The following DTWD2 variants were observed in gnomAD, a reference collection of about 807,000 sequenced individuals.
DTWD2 encodes the protein DTW motif tRNA-uridine aminocarboxypropyltransferase 2.
Under a neutral mutation model 31.8 loss-of-function variants are expected in DTWD2, and 39 were observed. That is an observed-to-expected ratio of 1.22 (90% CI 0.95 to 1.60). DTWD2 has a LOEUF of 1.60. Ranked by LOEUF, DTWD2 falls within the 40% of genes most tolerant of loss-of-function variation. The pLI, the probability that DTWD2 is intolerant of heterozygous loss-of-function variation, is 0.00. For missense variants in DTWD2, 515 were observed against 381.5 expected, an observed-to-expected ratio of 1.35 and a Z score of -2.92; for synonymous variants, 180 against 142.8, an observed-to-expected ratio of 1.26 and a Z score of -1.86.
At chr5:118,920,114 T>C (rs2149574821) in intron 4 of DTWD2, among the ~76,000 whole-genome samples, 1 of 152,246 alleles carries the variant, frequency 6.6e-6, no homozygotes, top group African/African-American at 2.4e-5. Context: ...AACCTGTCCC[T>C]GGTGCCAAAA....
At chr5:118,888,687 T>A (rs1752918402) in intron 4 of DTWD2, among the ~76,000 whole-genome samples, 1 of 152,216 alleles carries the variant, frequency 6.6e-6, no homozygotes, top group Non-Finnish European at 1.5e-5. Context: ...CCAAAATACG[T>A]TTCAGAGTGA....
intron 1 of DTWD2, chr5:118,974,774 A>G: frequency 7.7e-6 from 3 of 390,532 alleles, no homozygotes; most frequent in Non-Finnish European, 1.6e-5. Flanking sequence ...TTGTCCAACA[A>G]TAAACAGGAA....
At chr5:118,887,364 A>C (rs1360841138) in intron 4 of DTWD2, among the ~76,000 whole-genome samples, 1 of 152,150 alleles carries the variant, frequency 6.6e-6, no homozygotes. Context: ...CTAAGTTTGG[A>C]CATGTGCTTG....
At chr5:118,928,512 T>C (rs1753853714) in intron 4 of DTWD2, 25 bp downstream of exon 4, 2 of 1,413,918 alleles carry the variant, frequency 1.4e-6, no homozygotes, top group Non-Finnish European at 9.3e-7. Flanking sequence ...TTTATATTTA[T>C]TCTCTGTTAA....
At chr5:118,948,508 G>T (rs761476410) in intron 1 of DTWD2, among the ~76,000 whole-genome samples, 16 of 152,004 alleles carry the variant, frequency 1.1e-4, no homozygotes, top group South Asian at 1.0e-3. Context: ...AACAAACTGT[G>T]ATCAGGGTGG....
chr5:118,962,066 C>A (rs981574732), intron 1 of DTWD2, among the ~76,000 whole-genome samples: 1 of 152,004 alleles, frequency 6.6e-6, no homozygotes, highest in Admixed American at 6.6e-5. Flanking sequence ...TGGAGAAACC[C>A]CATCTCTACT....
At chr5:118,916,428 G>A (rs1561454257) in intron 4 of DTWD2, among the ~76,000 whole-genome samples, 3 of 152,122 alleles carry the variant, frequency 2.0e-5, no homozygotes, top group African/African-American at 7.2e-5. Context: ...CACTTTGGGA[G>A]GCCAAGGTGG....
chr5:118,947,984 A>G (rs1388828423), intron 1 of DTWD2, among the ~76,000 whole-genome samples: 2 of 152,242 alleles, frequency 1.3e-5, no homozygotes, highest in Non-Finnish European at 2.9e-5. Context: ...CAAATGTTGC[A>G]TAACACATTT....
At chr5:118,857,745 TG>T (rs1332062748) in intron 4 of DTWD2, among the ~76,000 whole-genome samples, 2 of 152,220 alleles carry the variant, frequency 1.3e-5, no homozygotes, top group Non-Finnish European at 2.9e-5. Flanking sequence ...TACACAGTGC[TG>T]GGCATGTGCC....
chr5:118,915,430 A>T (rs1431916765), intron 4 of DTWD2, among the ~76,000 whole-genome samples: 1 of 146,530 alleles, frequency 6.8e-6, no homozygotes, highest in Non-Finnish European at 1.5e-5. Context: ...GCTGGAGTGC[A>T]GTGGCGCAAT....
At chr5:118,959,137 T>A (rs1754653799) in intron 1 of DTWD2, among the ~76,000 whole-genome samples, 2 of 152,110 alleles carry the variant, frequency 1.3e-5, no homozygotes, top group Admixed American at 1.3e-4. Flanking sequence ...GACGTCCAAA[T>A]AGGAAGAGAG....
chr5:118,871,670 G>A (rs1342517733), intron 4 of DTWD2, among the ~76,000 whole-genome samples: 2 of 152,142 alleles, frequency 1.3e-5, no homozygotes, highest in African/African-American at 4.8e-5. Flanking sequence ...AATCCATGCT[G>A]TAAACAGATG....
intron 1 of DTWD2, among the ~76,000 whole-genome samples, chr5:118,983,525 C>T (rs544516961): frequency 2.0e-5 from 3 of 151,696 alleles, no homozygotes; most frequent in Admixed American, 6.5e-5. Flanking sequence ...CTCTCTCTCT[C>T]TCTCTTATGA....
chr5:118,961,957 T>C (rs1052997393), intron 1 of DTWD2, among the ~76,000 whole-genome samples: 5 of 152,198 alleles, frequency 3.3e-5, no homozygotes, highest in Admixed American at 6.5e-5. Context: ...AAATTTTCTT[T>C]GCTGCCAGGC....
At chr5:118,952,037 T>C (rs906432582) in intron 1 of DTWD2, among the ~76,000 whole-genome samples, 1 of 151,716 alleles carries the variant, frequency 6.6e-6, no homozygotes, top group African/African-American at 2.4e-5. Context: ...AAGGGAGAGA[T>C]TGAAAGGTGG....
At chr5:118,872,536 G>A (rs1404168769) in intron 4 of DTWD2, among the ~76,000 whole-genome samples, 1 of 152,150 alleles carries the variant, frequency 6.6e-6, no homozygotes, top group Non-Finnish European at 1.5e-5. Flanking sequence ...CTGAGAAGAG[G>A]AAGAAAGAGA....
rs180727200 is a variant in DTWD2, at chr5:118,840,506, A to T, written c.*411T>A. ...ACTTATTTCAAACTGTAAAGTCAGG[A>T]CTGCAAACTGATGTAGGAATCTTAT... On this transcript the variant is annotated 3_prime_UTR_variant, in exon 6 of 6. Transcript: ENST00000510708. 1 of 152,468 alleles carries T rather than the reference A, an allele frequency of 6.6e-6. No individual in the cohort carries two copies. The highest frequency in any genetic ancestry group is 2.4e-5 in the African/African-American group (1 of 41,474). 9.4% of individuals were successfully genotyped at this position (152,468 alleles called of 1,614,324 possible).
intron 1 of DTWD2, among the ~76,000 whole-genome samples, chr5:118,956,672 G>A (rs912302588): frequency 1.3e-5 from 2 of 152,106 alleles, no homozygotes; most frequent in Non-Finnish European, 2.9e-5. Context: ...AAACTTTAAA[G>A]ATTAGTGAAC....
At chr5:118,862,098 C>T (rs1220766972) in intron 4 of DTWD2, among the ~76,000 whole-genome samples, 5 of 152,206 alleles carry the variant, frequency 3.3e-5, no homozygotes, top group African/African-American at 1.2e-4. Context: ...ACTAGATTCT[C>T]GTAGAAGCGC....
Sources: gnomAD v4.1 joint callset for allele counts (sites outside exome capture counted in the v4.1 genomes callset) on GRCh38, gnomAD v4.1.1 for gene constraint, MANE v1.5 for transcripts, NCBI Gene and HGNC (gene_info 2026-07-23, HGNC 2026-07-21) for gene names.